The following DYNC1I2 variants were observed in gnomAD, a reference collection of about 807,000 sequenced individuals.
The protein encoded by DYNC1I2 is cytoplasmic dynein 1 intermediate chain 2.
In DYNC1I2, 53 loss-of-function variants were observed where a neutral mutation model predicts 88.6. That is an observed-to-expected ratio of 0.60 (90% confidence interval 0.48 to 0.75). The LOEUF (loss-of-function observed/expected upper bound fraction) is 0.75. DYNC1I2 is among the 30% of genes least tolerant of loss of function. The pLI is 0.00. For missense variants in DYNC1I2, 458 were observed against 766.6 expected (o/e 0.60, Z 4.75); for synonymous variants, 198 against 254.6 (o/e 0.78, Z 2.12).
At chr2:171,708,792 A>T (rs1239635710) in intron 5 of DYNC1I2, among the ~76,000 whole-genome samples, 1 of 152,078 alleles carries the variant, frequency 6.6e-6, no homozygotes, top group East Asian at 1.9e-4. Context: ...TCCTGGGCTC[A>T]AACGATCCTC....
intron 13 of DYNC1I2, 78 bp from the exon 14 acceptor site, chr2:171,728,639 A>AT: frequency 7.9e-7 from 1 of 1,262,424 alleles, no homozygotes; most frequent in South Asian, 1.7e-5. Flanking sequence ...ATTGTTTACA[A>AT]TCAAAGACTA....
intron 3 of DYNC1I2, among the ~76,000 whole-genome samples, chr2:171,700,341 C>A (rs564134570): frequency 1.3e-5 from 2 of 152,256 alleles, no homozygotes; most frequent in South Asian, 4.1e-4. Context: ...TTGGAAGTCA[C>A]AAAGCATCAC....
intron 15 of DYNC1I2, among the ~76,000 whole-genome samples, chr2:171,741,770 G>C (rs1019179315): frequency 6.6e-6 from 1 of 152,102 alleles, no homozygotes; most frequent in Non-Finnish European, 1.5e-5. Context: ...AGATTTACTT[G>C]TATGCTTCCT....
At chr2:171,729,458 A>G (rs561620546) in intron 14 of DYNC1I2, among the ~76,000 whole-genome samples, 4 of 152,272 alleles carry the variant, frequency 2.6e-5, no homozygotes, top group Non-Finnish European at 5.9e-5. Context: ...ACACCACTTC[A>G]GATATTGGAC....
chr2:171,698,443 G>A (rs1326297509), intron 3 of DYNC1I2, among the ~76,000 whole-genome samples: 1 of 152,004 alleles, frequency 6.6e-6, no homozygotes, highest in Non-Finnish European at 1.5e-5. Context: ...GGAATGCAGT[G>A]GTGCGATTTT....
intron 15 of DYNC1I2, among the ~76,000 whole-genome samples, chr2:171,733,276 C>T (rs1688749095): frequency 6.6e-6 from 1 of 152,016 alleles, no homozygotes; most frequent in Non-Finnish European, 1.5e-5. Flanking sequence ...CATGTCTTTG[C>T]TAGTGTCTTT....
intron 4 of DYNC1I2, chr2:171,706,881 A>G: frequency 2.5e-6 from 1 of 403,384 alleles, no homozygotes; most frequent in Non-Finnish European, 4.4e-6. Flanking sequence ...CATATTTCAG[A>G]GTTGAATTTT....
chr2:171,743,523 C>G (rs10207255), intron 15 of DYNC1I2, among the ~76,000 whole-genome samples: 29 of 152,194 alleles, frequency 1.9e-4, no homozygotes, highest in African/African-American at 6.0e-4. Flanking sequence ...TGTTCTCCAC[C>G]TGTCAGAAGT....
At chr2:171,744,224 A>G (rs1450518745) in intron 16 of DYNC1I2, 35 bp downstream of exon 16, 1 of 1,559,396 alleles carries the variant, frequency 6.4e-7, no homozygotes, top group Admixed American at 2.1e-5. Flanking sequence ...GCATTGAAAA[A>G]TAGAAAATTG....
chr2:171,738,110 T>C (rs1689141653), intron 15 of DYNC1I2, among the ~76,000 whole-genome samples: 1 of 152,066 alleles, frequency 6.6e-6, no homozygotes, highest in African/African-American at 2.4e-5. Flanking sequence ...GGCAGGCAGA[T>C]CATCTGAGGT....
intron 7 of DYNC1I2, among the ~76,000 whole-genome samples, chr2:171,724,848 A>G (rs1351875122): frequency 6.6e-6 from 1 of 152,214 alleles, no homozygotes; most frequent in East Asian, 1.9e-4. Flanking sequence ...TTTAAAATAA[A>G]TGATTTTAAA....
chr2:171,725,586 GTTTT>G lies in DYNC1I2; in HGVS notation c.512-28_512-25del, dbSNP rs761551330. On this transcript the variant is annotated intron_variant, in intron 7 of 17. Coordinates refer to ENST00000397119, the MANE Select transcript of DYNC1I2 (RefSeq NM_001378.3). ...ATTTATTATATCATTCTGTTTTTTT[GTTTT>G]TTTGTTTGTTTTTTTTTTTTTTTTC... The G allele has an allele frequency of 2.7e-4, 333 of 1,244,818 alleles. 1 individual carries two copies. The highest frequency in any genetic ancestry group is 3.0e-4 in the Non-Finnish European group (286 of 941,152). 77.1% of individuals were successfully genotyped at this position (1,244,818 alleles called of 1,614,324 possible).
intron 7 of DYNC1I2, among the ~76,000 whole-genome samples, chr2:171,720,667 G>A (rs140751489): frequency 8.2e-4 from 125 of 152,238 alleles, no homozygotes; most frequent in African/African-American, 2.8e-3. Flanking sequence ...GGAGGCAGAG[G>A]TTGCATTGAG....
rs1689243139 is a variant in DYNC1I2, at chr2:171,739,447, T to C, written c.1537-4602T>C. Among the ~76,000 whole-genome samples the C allele has an allele frequency of 2.0e-5, 3 of 152,120 alleles. No homozygotes were observed. The South Asian group carries it at 6.2e-4, about 31-fold the overall frequency. On this transcript the variant is annotated intron_variant, in intron 15 of 17. Transcript: ENST00000397119. ...TAGTTAACACATGACCAATCTTGTC[T>C]ATACATAACCTCTGCAATATTAAAA...
At chr2:171,729,686 C>T (rs1688481687) in intron 14 of DYNC1I2, 23 bp from the exon 15 acceptor site, 10 of 1,611,248 alleles carry the variant, frequency 6.2e-6, no homozygotes, top group Non-Finnish European at 8.5e-6. Context: ...ACTTCTCTAA[C>T]ATTTTCACTT....
At chr2:171,735,431 T>A (rs1688937145) in intron 15 of DYNC1I2, among the ~76,000 whole-genome samples, 1 of 152,196 alleles carries the variant, frequency 6.6e-6, no homozygotes, top group Non-Finnish European at 1.5e-5. Context: ...AAGGAAATGT[T>A]CATTGAAGCA....
rs1356104039 is a variant in DYNC1I2 at position 171,715,878 on chromosome 2, ATGAACAAATC to A, written c.511+437_511+446del. The stretch of plus-strand genomic sequence containing the variant: ...CTGTACCCTGATGTTATTCATACTA[ATGAACAAATC>A]TAGACTTAATTCTTAAATTTTCTCT... On this transcript the variant is annotated intron_variant, in intron 7 of 17. Coordinates refer to ENST00000397119, the MANE Select transcript of DYNC1I2 (RefSeq NM_001378.3). Among the ~76,000 whole-genome samples, 20 of 152,320 alleles carry A rather than the reference ATGAACAAATC, an allele frequency of 1.3e-4. No individual in the cohort carries two copies. In the East Asian group the frequency reaches 3.7e-3, roughly 28 times the overall value.
At chr2:171,733,424 A>G (rs1290659045) in intron 15 of DYNC1I2, among the ~76,000 whole-genome samples, 6 of 147,960 alleles carry the variant, frequency 4.1e-5, no homozygotes, top group African/African-American at 1.5e-4. Context: ...CAACAGTGTA[A>G]AAACGTTCCT....
intron 3 of DYNC1I2, 172 bp downstream of exon 3, chr2:171,693,066 T>TAAAA (rs1685509757): frequency 1.7e-6 from 1 of 592,178 alleles, no homozygotes; most frequent in African/African-American, 1.9e-5. Context: ...CATGGTTATT[T>TAAAA]TATTTGTTCA....
Sources: gnomAD v4.1 joint callset for allele counts (sites outside exome capture counted in the v4.1 genomes callset) on GRCh38, gnomAD v4.1.1 for gene constraint, MANE v1.5 for transcripts, NCBI Gene and HGNC (gene_info 2026-07-23, HGNC 2026-07-21) for gene names.